PTPN2: variants seen among roughly 807,000 people sequenced by gnomAD.
PTPN2 encodes the protein tyrosine-protein phosphatase non-receptor type 2.
In PTPN2, 19 loss-of-function variants were observed where a neutral mutation model predicts 57.3. The ratio of observed to expected loss-of-function variants is 0.33; its 90% CI spans 0.23 to 0.49. The LOEUF (loss-of-function observed/expected upper bound fraction) is 0.49, where lower values mean the gene tolerates loss of function less well. Among genes scored for constraint, PTPN2 ranks in the 20% least tolerant of loss-of-function variants. PTPN2 has a pLI of 0.99. For missense variants in PTPN2, 358 were observed against 501.1 expected, an observed-to-expected ratio of 0.71 and a Z score of 2.73; for synonymous variants, 153 against 164.9, an observed-to-expected ratio of 0.93 and a Z score of 0.55.
At chr18:12,835,329 T>A (rs2042817047) in intron 3 of PTPN2, among the ~76,000 whole-genome samples, 1 of 151,456 alleles carries the variant, frequency 6.6e-6, no homozygotes, top group Non-Finnish European at 1.5e-5. Flanking sequence ...CCTTACAGAT[T>A]GCTTGAGTCT....
intron 2 of PTPN2, among the ~76,000 whole-genome samples, chr18:12,843,243 G>A (rs779743479): frequency 2.0e-5 from 3 of 152,080 alleles, no homozygotes; most frequent in African/African-American, 7.2e-5. Context: ...GCACTCAGGG[G>A]TCTGTTTTCT....
At chr18:12,847,656 CTT>C (rs934505028) in intron 2 of PTPN2, among the ~76,000 whole-genome samples, 33 of 137,890 alleles carry the variant, frequency 2.4e-4, no homozygotes, top group Non-Finnish European at 4.7e-4. Context: ...TTTTTTCGCT[CTT>C]GTTGCCCAGG....
At chr18:12,870,456 TATATATAGAGAG>T (rs1301376634) in intron 1 of PTPN2, among the ~76,000 whole-genome samples, 19 of 38,622 alleles carry the variant, frequency 4.9e-4, no homozygotes, top group East Asian at 1.6e-3. Context: ...TATATATATA[TATATATAGAGAG>T]AGAGAGAGAG....
chr18:12,796,641 A>G (rs2041201100), intron 8 of PTPN2, among the ~76,000 whole-genome samples: 1 of 152,206 alleles, frequency 6.6e-6, no homozygotes, highest in East Asian at 1.9e-4. Flanking sequence ...TATGTACCCA[A>G]GAGAACTGAG....
rs185267193 is a variant in PTPN2 at position 12,808,479 on chromosome 18, T to C, written c.858+5724A>G. 2.6e-4 allele frequency among the ~76,000 whole-genome samples: 40 copies of C among 152,184 alleles called. 1 individual carries two copies. The highest frequency in any genetic ancestry group is 9.6e-4 in the African/African-American group (40 of 41,544). On this transcript the variant is annotated intron_variant, in intron 7 of 8. Transcript: ENST00000309660. ...CCCATAAATATGTACAATTACTAAG[T>C]GTCAATTAAAAACAAAGGCCGGGGC...
rs2041989382 is a variant in PTPN2, at chr18:12,814,254, G to A, written c.807C>T (p.Tyr269=). 1 of 1,607,068 alleles carries A rather than the reference G, an allele frequency of 6.2e-7. No homozygotes were observed. Among genetic ancestry groups the A allele is most frequent in the Non-Finnish European group, 8.5e-7 (1 of 1,175,060 alleles). The part of the protein sequence containing the change: ...IQTPDQLRFS[Y]MAIIEGAKCI... The stretch of plus-strand genomic sequence containing the variant: ...ATTTTGCTCCTTCTATTATAGCCAT[G>A]TATGAGAATCTCAGTTGATCTGGGG... Residue 269 remains tyrosine, a synonymous_variant, in exon 7 of 9, where the codon TAC becomes TAT. Transcript: ENST00000309660.
chr18:12,860,547 A>G (rs982241337), intron 1 of PTPN2, among the ~76,000 whole-genome samples: 4 of 152,162 alleles, frequency 2.6e-5, no homozygotes, highest in Non-Finnish European at 1.5e-5. Context: ...CAGTGAGCCG[A>G]GGTCGTACCA....
chr18:12,884,049 C>G (rs980935578), intron 1 of PTPN2, 24 bp downstream of exon 1: 10 of 1,555,276 alleles, frequency 6.4e-6, no homozygotes, highest in South Asian at 4.7e-5. Context: ...AGGTCGGCGA[C>G]TGCCGCGTGG....
chr18:12,790,628 C>A (rs551114880), downstream of PTPN2, among the ~76,000 whole-genome samples: 16 of 152,248 alleles, frequency 1.1e-4, no homozygotes, highest in Non-Finnish European at 1.9e-4. Context: ...ATACAGTAAA[C>A]CATCAATAAA....
intron 1 of PTPN2, chr18:12,872,243 G>A (rs377572977): frequency 2.2e-4 from 34 of 152,246 alleles, no homozygotes; most frequent in African/African-American, 7.9e-4. Flanking sequence ...ACCACAGGAA[G>A]AATTCCTAGA....
intron 9 of PTPN2, chr18:12,787,074 T>A (rs1435065661): frequency 6.6e-6 from 1 of 152,204 alleles, no homozygotes; most frequent in Non-Finnish European, 1.5e-5. Context: ...GAAGTAATGA[T>A]CTGGTTTAGA....
At chr18:12,786,020 G>A (rs1455018998) in intron 9 of PTPN2, 7 of 582,834 alleles carry the variant, frequency 1.2e-5, no homozygotes, top group Non-Finnish European at 1.8e-5. Context: ...AGGGTAAAAC[G>A]GCTGGGGTGC....
chr18:12,817,797 C>T (rs537513076), intron 5 of PTPN2, among the ~76,000 whole-genome samples: 17 of 152,248 alleles, frequency 1.1e-4, no homozygotes, highest in Middle Eastern at 6.8e-3. Flanking sequence ...ATACATGTTA[C>T]CAATATTTTC....
At chr18:12,807,164 C>T (rs1183412043) in intron 7 of PTPN2, among the ~76,000 whole-genome samples, 1 of 151,790 alleles carries the variant, frequency 6.6e-6, no homozygotes, top group Admixed American at 6.6e-5. Context: ...TACAAAGAGC[C>T]AACAGATACA....
intron 1 of PTPN2, among the ~76,000 whole-genome samples, chr18:12,872,550 C>A (rs1325057919): frequency 6.6e-6 from 1 of 152,162 alleles, no homozygotes; most frequent in African/African-American, 2.4e-5. Context: ...TTGAGACAAA[C>A]AGTGCTGGGA....
At chr18:12,819,517 A>T (rs1236073711) in intron 5 of PTPN2, among the ~76,000 whole-genome samples, 1 of 152,208 alleles carries the variant, frequency 6.6e-6, no homozygotes, top group Middle Eastern at 3.4e-3. Flanking sequence ...CAAGCAACAC[A>T]AGAACATCTG....
chr18:12,815,301 A>T (rs1401400795), intron 6 of PTPN2, among the ~76,000 whole-genome samples: 1 of 151,536 alleles, frequency 6.6e-6, no homozygotes, highest in Non-Finnish European at 1.5e-5. Flanking sequence ...AGTCCCAGCT[A>T]CTCGGGAGGC....
Position 12,840,862 on chromosome 18 carries a change from A to G in PTPN2, c.161-3971T>C. Reference sequence around the variant, plus strand: ...GACTTCCAACTCCTCTCTCACATAAACCCCACTTCTGTGCCGATGCAGTCC... The same window carrying G: ...GACTTCCAACTCCTCTCTCACATAAGCCCCACTTCTGTGCCGATGCAGTCC... On this transcript the variant is annotated intron_variant, in intron 2 of 8. Coordinates refer to ENST00000309660, the MANE Select transcript of PTPN2 (RefSeq NM_002828.4). The G allele has an allele frequency of 3.8e-6, 6 of 1,588,230 alleles. No homozygotes were observed. In the South Asian group the frequency reaches 6.7e-5, roughly 18 times the overall value.
downstream of PTPN2, among the ~76,000 whole-genome samples, chr18:12,791,052 T>C (rs1270667975): frequency 6.6e-6 from 1 of 152,196 alleles, no homozygotes; most frequent in African/African-American, 2.4e-5. Flanking sequence ...ATGCAGAAAA[T>C]GGGTATTTTC....
Sources: allele counts gnomAD v4.1 joint callset (sites outside exome capture counted in the v4.1 genomes callset), GRCh38; gene constraint gnomAD v4.1.1; transcripts MANE v1.5; gene names NCBI Gene and HGNC (gene_info 2026-07-23, HGNC 2026-07-21).